The following PRICKLE2 variants were observed in gnomAD, a reference collection of about 807,000 sequenced individuals.
The protein encoded by PRICKLE2 is prickle-like protein 2.
In PRICKLE2, 21 loss-of-function variants were observed where a neutral mutation model predicts 81.4. The ratio of observed to expected loss-of-function variants is 0.26; its 90% CI spans 0.18 to 0.37. PRICKLE2 has a LOEUF of 0.37. PRICKLE2 is among the 10% of genes least tolerant of loss of function. PRICKLE2 has a pLI of 1.00. For missense variants in PRICKLE2, 940 were observed against 1,109.0 expected (o/e 0.85, Z 2.16); for synonymous variants, 456 against 421.5 (o/e 1.08, Z -1.00).
At position 64,099,255 on chromosome 3, in the gene PRICKLE2, G is replaced by A. The variant is rs751604734; in HGVS notation, c.2331C>T (p.Thr777=). The change falls in exon 8 of 8, where the codon ACC becomes ACT. Residue 777 remains threonine, a synonymous_variant. Transcript: ENST00000638394. The surrounding 1 kb of genome is among the most constrained non-coding windows in gnomAD (Gnocchi z 4.3). ...TGTCAGACTCTGAAGAGGAGGAGCA[G>A]GTGGAACACCAATCATACTCGGCGA... ...PYFAEYDWCS[T]CSSSSESDNE... is the part of the protein sequence containing the mutation. 3 of 1,614,076 alleles carry A rather than the reference G, an allele frequency of 1.9e-6. No homozygotes were observed. Among genetic ancestry groups the A allele is most frequent in the Non-Finnish European group, 2.5e-6 (3 of 1,180,048 alleles).
rs1339379797 is a variant in PRICKLE2, at chr3:64,144,480, A to G, written c.1660+2350T>C. 4.6e-5 allele frequency among the ~76,000 whole-genome samples: 7 copies of G among 152,268 alleles called. No individual in the cohort carries two copies. In the South Asian group the frequency reaches 6.2e-4, roughly 13 times the overall value. ...TAGGTGGATACATAAATATCCCAGC[A>G]CATGGCAACAAGCAGCTGGAGCTGA... On this transcript the variant is annotated intron_variant, in intron 7 of 7. Transcript: ENST00000638394.
chr3:64,237,274 C>T (rs542584046), intron 2 of PRICKLE2, among the ~76,000 whole-genome samples: 149 of 152,220 alleles, frequency 9.8e-4, no homozygotes, highest in African/African-American at 3.2e-3. Context: ...TGCATCTGCA[C>T]CCTGGTCCTT....
At chr3:64,162,544 T>C (rs2077752114) in intron 3 of PRICKLE2, among the ~76,000 whole-genome samples, 1 of 152,180 alleles carries the variant, frequency 6.6e-6, no homozygotes, top group Non-Finnish European at 1.5e-5. Flanking sequence ...AAGCTACAAA[T>C]CTGGACATGT....
intron 1 of PRICKLE2, among the ~76,000 whole-genome samples, chr3:64,211,438 A>C (rs1465193850): frequency 6.6e-6 from 1 of 152,252 alleles, no homozygotes; most frequent in African/African-American, 2.4e-5. Flanking sequence ...GATATTTAAA[A>C]GAATGTTCTT....
At chr3:64,215,012 T>C (rs1049735237) in intron 1 of PRICKLE2, among the ~76,000 whole-genome samples, 2 of 152,194 alleles carry the variant, frequency 1.3e-5, no homozygotes, top group South Asian at 4.2e-4. Flanking sequence ...ACTTCTTAAT[T>C]TCCTGCCTCC....
chr3:64,171,642 G>A (rs1240039061), intron 2 of PRICKLE2, among the ~76,000 whole-genome samples: 2 of 152,222 alleles, frequency 1.3e-5, no homozygotes, highest in Non-Finnish European at 2.9e-5. Context: ...GATGCATGCT[G>A]TATTCAAATC....
Position 64,157,338 on chromosome 3 carries a change from T to C in PRICKLE2, c.424A>G (p.Ile142Val), listed in dbSNP as rs777051702. The C allele has an allele frequency of 1.4e-5, 23 of 1,613,544 alleles. 1 individual carries two copies. The South Asian group carries it at 2.5e-4, about 18-fold the overall frequency. The change falls in exon 5 of 8, where the codon ATC becomes GTC. Residue 142 changes from isoleucine to valine, a missense_variant. By Grantham distance (29) the Ile-to-Val change is conservative. Transcript: ENST00000638394. ...CCAGCGCGTGACGCAAACACAGCGA[T>C]GTCTCCACCATTGATCTGGCCTCCG... ...QCGGQINGGDIAVFASRAGHG... is the reference protein window; with the variant it reads ...QCGGQINGGDVAVFASRAGHG...
At chr3:64,227,311 C>CTA (rs2079044528), upstream of PRICKLE2, among the ~76,000 whole-genome samples, 2 of 151,744 alleles carry the variant, frequency 1.3e-5, no homozygotes. Flanking sequence ...AGTCAATTAG[C>CTA]AAGTCTAACA....
At chr3:64,234,032 T>C (rs1027139929) in intron 2 of PRICKLE2, among the ~76,000 whole-genome samples, 12 of 152,192 alleles carry the variant, frequency 7.9e-5, no homozygotes, top group Admixed American at 5.9e-4. Context: ...TAATATTCCA[T>C]TGTACTAATA....
intron 2 of PRICKLE2, among the ~76,000 whole-genome samples, chr3:64,247,312 A>G (rs981467168): frequency 6.6e-6 from 1 of 152,202 alleles, no homozygotes; most frequent in African/African-American, 2.4e-5. Flanking sequence ...TGCAGAAAAG[A>G]TATCAGTGAG....
chr3:64,195,496 C>A (rs2078437820), intron 2 of PRICKLE2, among the ~76,000 whole-genome samples: 1 of 152,088 alleles, frequency 6.6e-6, no homozygotes, highest in African/African-American at 2.4e-5. Context: ...TACTCTCAAC[C>A]CTAACTGGTC....
At chr3:64,211,114 A>G (rs1166773509) in intron 1 of PRICKLE2, among the ~76,000 whole-genome samples, 1 of 152,158 alleles carries the variant, frequency 6.6e-6, no homozygotes, top group African/African-American at 2.4e-5. Context: ...CTCAACAGCC[A>G]TTGGTTGAAG....
intron 2 of PRICKLE2, among the ~76,000 whole-genome samples, chr3:64,189,906 G>A (rs1264383897): frequency 6.6e-6 from 1 of 152,168 alleles, no homozygotes; most frequent in African/African-American, 2.4e-5. Context: ...CAAGGGGATG[G>A]ATGATTAAGT....
intron 1 of PRICKLE2, among the ~76,000 whole-genome samples, chr3:64,205,366 C>T (rs1426144472): frequency 3.9e-5 from 6 of 152,102 alleles, no homozygotes; most frequent in African/African-American, 1.2e-4. Context: ...AGGCGGAGAC[C>T]CTCTCTTTAA....
intron 2 of PRICKLE2, among the ~76,000 whole-genome samples, chr3:64,243,507 T>C: frequency 6.6e-6 from 1 of 152,336 alleles, no homozygotes; most frequent in Non-Finnish European, 1.5e-5. Context: ...GGGGTTCATA[T>C]AAGGTAGAGG....
In PRICKLE2 at chr3:64,157,351, G is replaced by A; in HGVS notation, c.411C>T (p.Ile137=). Residue 137 remains isoleucine, a synonymous_variant, in exon 5 of 8, where the codon ATC becomes ATT. Coordinates refer to ENST00000638394, the MANE Select transcript of PRICKLE2 (RefSeq NM_198859.4). The part of the protein sequence containing the change: ...GAICEQCGGQ[I]NGGDIAVFAS... ...CAAACACAGCGATGTCTCCACCATT[G>A]ATCTGGCCTCCGCACTGTGAGGCAA... The A allele has an allele frequency of 6.2e-7, 1 of 1,613,192 alleles. No homozygotes were observed. Among genetic ancestry groups the A allele is most frequent in the South Asian group, 1.1e-5 (1 of 91,024 alleles).
intron 1 of PRICKLE2, among the ~76,000 whole-genome samples, chr3:64,206,157 G>A (rs2078684824): frequency 6.6e-6 from 1 of 152,168 alleles, no homozygotes; most frequent in South Asian, 2.1e-4. Flanking sequence ...GAGATGCATG[G>A]GGAATAGTAG....
chr3:64,178,994 T>TCTTTC (rs2078074674), intron 2 of PRICKLE2, among the ~76,000 whole-genome samples: 2 of 147,050 alleles, frequency 1.4e-5, no homozygotes, highest in African/African-American at 5.1e-5. Context: ...TTTCTTTCTT[T>TCTTTC]CTTTCTTTCT....
intron 2 of PRICKLE2, among the ~76,000 whole-genome samples, chr3:64,241,135 C>G (rs1277786658): frequency 6.6e-6 from 1 of 152,196 alleles, no homozygotes; most frequent in African/African-American, 2.4e-5. Context: ...AGTATACAAA[C>G]AAATGGGCAT....
Sources: gnomAD v4.1 joint callset for allele counts (sites outside exome capture counted in the v4.1 genomes callset) on GRCh38, gnomAD v4.1.1 for gene constraint, Gnocchi (gnomAD v3.1) non-coding constraint, MANE v1.5 for transcripts, NCBI Gene and HGNC (gene_info 2026-07-23, HGNC 2026-07-21) for gene names.